PDGFC: variants seen among roughly 807,000 people sequenced by gnomAD.
PDGFC encodes platelet-derived growth factor C.
Under a neutral mutation model 35.5 loss-of-function variants are expected in PDGFC, and 12 were observed. That is an observed-to-expected ratio of 0.34 (90% CI 0.22 to 0.55). The LOEUF (loss-of-function observed/expected upper bound fraction) is 0.55. Ranked by LOEUF, PDGFC falls within the 20% of genes least tolerant of loss-of-function variation. The pLI is 0.91. For synonymous variants in PDGFC, 159 were observed against 148.8 expected, an observed-to-expected ratio of 1.07 and a Z score of -0.50; for missense variants, 322 against 412.4, an observed-to-expected ratio of 0.78 and a Z score of 1.90.
intron 1 of PDGFC, among the ~76,000 whole-genome samples, chr4:156,944,541 T>C (rs1336003933): frequency 6.6e-6 from 1 of 152,160 alleles, no homozygotes; most frequent in African/African-American, 2.4e-5. Context: ...AATTCATGTG[T>C]CCACTGTTAG....
At chr4:156,887,970 T>C (rs1283058506) in intron 1 of PDGFC, among the ~76,000 whole-genome samples, 1 of 144,628 alleles carries the variant, frequency 6.9e-6, no homozygotes, top group African/African-American at 2.6e-5. Context: ...GCCACTGCAC[T>C]CCAGCCTGGG....
chr4:156,884,076 C>T (rs933032331), intron 1 of PDGFC, among the ~76,000 whole-genome samples: 1 of 152,102 alleles, frequency 6.6e-6, no homozygotes. Context: ...CCTCAAGGAA[C>T]GCATGTCCTA....
Position 156,761,183 on chromosome 4 carries a change from T to C in PDGFC, c.*1907A>G, listed in dbSNP as rs1013274495. Reference sequence around the variant, plus strand: ...GGATGCTGAAGATACCAGCCCTGAATAGGAATCTATGTCTGGAACTGAGGA... The same window carrying C: ...GGATGCTGAAGATACCAGCCCTGAACAGGAATCTATGTCTGGAACTGAGGA... On this transcript the variant is annotated 3_prime_UTR_variant, in exon 6 of 6. Transcript: ENST00000502773. The C allele has an allele frequency of 2.6e-5, 4 of 152,268 alleles. No homozygotes were observed. The highest frequency in any genetic ancestry group is 7.2e-5 in the African/African-American group (3 of 41,458). The allele number at this position is 152,268 out of a possible 1,614,324, so 9.4% of individuals were successfully genotyped here.
At position 156,761,178 on chromosome 4, in the gene PDGFC, C is replaced by T. The variant is rs989373971; in HGVS notation, c.*1912G>A. On this transcript the variant is annotated 3_prime_UTR_variant, in exon 6 of 6. Transcript: ENST00000502773. Reference sequence around the variant, plus strand: ...GGAAAGGATGCTGAAGATACCAGCCCTGAATAGGAATCTATGTCTGGAACT... The same window carrying T: ...GGAAAGGATGCTGAAGATACCAGCCTTGAATAGGAATCTATGTCTGGAACT... 3.3e-5 allele frequency: 5 copies of T among 152,204 alleles called. No individual in the cohort carries two copies. Among genetic ancestry groups the T allele is most frequent in the Admixed American group, 2.6e-4 (4 of 15,276 alleles). The allele number at this position is 152,204 out of a possible 1,614,324, so 9.4% of individuals were successfully genotyped here.
chr4:156,950,232 C>T (rs951184053), intron 1 of PDGFC, among the ~76,000 whole-genome samples: 2 of 151,974 alleles, frequency 1.3e-5, no homozygotes. Flanking sequence ...GACATAAATG[C>T]CCCCTTTCCC....
intron 1 of PDGFC, among the ~76,000 whole-genome samples, chr4:156,863,877 T>A (rs1729774022): frequency 6.6e-6 from 1 of 152,172 alleles, no homozygotes; most frequent in African/African-American, 2.4e-5. Context: ...TCCCTCACAA[T>A]GAATTCAATT....
Position 156,761,636 on chromosome 4 carries a change from T to C in PDGFC, c.*1454A>G, listed in dbSNP as rs1261196069. 1 of 152,654 alleles carries C rather than the reference T, an allele frequency of 6.6e-6. No homozygotes were observed. Among genetic ancestry groups the C allele is most frequent in the East Asian group, 1.9e-4 (1 of 5,198 alleles). The allele number at this position is 152,654 out of a possible 1,614,324, so 9.5% of individuals were successfully genotyped here. On this transcript the variant is annotated 3_prime_UTR_variant, in exon 6 of 6. Transcript: ENST00000502773. Reference sequence around the variant, plus strand: ...TAATTTTCTCCCCAAAATAGCCACATTCTTTTATTTGATGATTCAATACAT... The same window carrying C: ...TAATTTTCTCCCCAAAATAGCCACACTCTTTTATTTGATGATTCAATACAT...
intron 2 of PDGFC, among the ~76,000 whole-genome samples, chr4:156,817,702 C>A (rs1732128393): frequency 6.6e-6 from 1 of 151,872 alleles, no homozygotes; most frequent in Middle Eastern, 3.4e-3. Flanking sequence ...ACATATCATT[C>A]CAATTTTATA....
At chr4:156,933,845 C>T (rs1057365518) in intron 1 of PDGFC, among the ~76,000 whole-genome samples, 3 of 152,100 alleles carry the variant, frequency 2.0e-5, no homozygotes, top group Non-Finnish European at 2.9e-5. Flanking sequence ...GTAAGACGTG[C>T]CTTGCTTCCT....
intron 2 of PDGFC, among the ~76,000 whole-genome samples, chr4:156,820,464 G>T (rs1732220630): frequency 6.6e-6 from 1 of 152,174 alleles, no homozygotes; most frequent in Admixed American, 6.5e-5. Flanking sequence ...TGAGCAAAAA[G>T]ATGAGAACTC....
At chr4:156,831,483 G>A (rs981270474) in intron 2 of PDGFC, among the ~76,000 whole-genome samples, 3 of 125,872 alleles carry the variant, frequency 2.4e-5, no homozygotes, top group Admixed American at 9.7e-5. Flanking sequence ...TTGCTCTATC[G>A]CGCAGGCTGG....
At chr4:156,969,254 G>A (rs1560895931) in intron 1 of PDGFC, among the ~76,000 whole-genome samples, 1 of 152,176 alleles carries the variant, frequency 6.6e-6, no homozygotes, top group Admixed American at 6.5e-5. Flanking sequence ...AACAAAGGTT[G>A]GTCTGATGTG....
intron 1 of PDGFC, among the ~76,000 whole-genome samples, chr4:156,855,839 T>C (rs746237622): frequency 2.0e-5 from 3 of 152,158 alleles, no homozygotes; most frequent in Admixed American, 6.6e-5. Flanking sequence ...GTTAAAATCA[T>C]TGACATATAT....
At chr4:156,797,236 T>TAA in intron 3 of PDGFC, among the ~76,000 whole-genome samples, 1 of 117,992 alleles carries the variant, frequency 8.5e-6, no homozygotes, top group Non-Finnish European at 1.8e-5. Flanking sequence ...ACAATCAGTC[T>TAA]AAAAAAAAAA....
At chr4:156,809,404 T>G (rs532908602) in intron 3 of PDGFC, among the ~76,000 whole-genome samples, 1 of 152,124 alleles carries the variant, frequency 6.6e-6, no homozygotes, top group East Asian at 1.9e-4. Context: ...GCACTTTCAA[T>G]CAACCTTTGG....
chr4:156,960,990 C>G (rs1259856250), intron 1 of PDGFC, among the ~76,000 whole-genome samples: 2 of 152,062 alleles, frequency 1.3e-5, no homozygotes, highest in Admixed American at 1.3e-4. Context: ...CAGGTTTCCC[C>G]CTTTTCCCAG....
At chr4:156,802,449 C>A (rs920567402) in intron 3 of PDGFC, among the ~76,000 whole-genome samples, 1 of 151,764 alleles carries the variant, frequency 6.6e-6, no homozygotes, top group Non-Finnish European at 1.5e-5. Flanking sequence ...TGCCAGATAC[C>A]CCAAATCTGC....
chr4:156,870,497 T>C (rs944881367), intron 1 of PDGFC, among the ~76,000 whole-genome samples: 31 of 152,128 alleles, frequency 2.0e-4, no homozygotes, highest in African/African-American at 6.0e-4. Flanking sequence ...GAGAGTTTCC[T>C]TTATTCTGTT....
chr4:156,811,294 G>A (rs1428035978), intron 2 of PDGFC, among the ~76,000 whole-genome samples: 2 of 151,950 alleles, frequency 1.3e-5, no homozygotes, highest in Non-Finnish European at 2.9e-5. Flanking sequence ...ATTTTGTAAG[G>A]AGCAACCCTA....
Sources: gnomAD v4.1 joint callset for allele counts (sites outside exome capture counted in the v4.1 genomes callset) on GRCh38, gnomAD v4.1.1 for gene constraint, MANE v1.5 for transcripts, NCBI Gene and HGNC (gene_info 2026-07-23, HGNC 2026-07-21) for gene names.